The following GPR160 variants were observed in gnomAD, a reference collection of about 807,000 sequenced individuals.
GPR160 encodes G protein-coupled receptor 160.
A neutral mutation model predicts 2.6 loss-of-function variants in GPR160; 2 were observed. The ratio of observed to expected loss-of-function variants is 0.77; its 90% CI spans 0.32 to 2.44. GPR160 has a LOEUF of 2.44. Ranked by LOEUF, GPR160 falls within the 30% of genes most tolerant of loss-of-function variation. The pLI, the probability that GPR160 is intolerant of heterozygous loss-of-function variation, is 0.11. For synonymous variants in GPR160, 130 were observed against 132.2 expected (o/e 0.98, Z 0.12); for missense variants, 351 against 383.6 (o/e 0.91, Z 0.71).
At chr3:170,067,295 G>A (rs1025488257) in intron 2 of GPR160, among the ~76,000 whole-genome samples, 1 of 152,066 alleles carries the variant, frequency 6.6e-6, no homozygotes, top group Non-Finnish European at 1.5e-5. Flanking sequence ...GTGAGCCGTC[G>A]TGCCAGGCCT....
chr3:170,044,324 C>CAA (rs57817027), intron 2 of GPR160, among the ~76,000 whole-genome samples: 3 of 89,238 alleles, frequency 3.4e-5, no homozygotes, highest in African/African-American at 9.5e-5. Context: ...AACTCCATCT[C>CAA]AAAAAAAAAA....
chr3:170,051,966 C>T (rs537321229), intron 2 of GPR160, among the ~76,000 whole-genome samples: 2 of 152,252 alleles, frequency 1.3e-5, no homozygotes, highest in African/African-American at 4.8e-5. Flanking sequence ...CACTCTGTCA[C>T]CCAGGCTGGA....
intron 2 of GPR160, among the ~76,000 whole-genome samples, chr3:170,053,853 C>G (rs1413083082): frequency 6.6e-6 from 1 of 151,994 alleles, no homozygotes; most frequent in Non-Finnish European, 1.5e-5. Flanking sequence ...TGGTCATATG[C>G]TTGTTTTCTG....
At chr3:170,053,521 A>G (rs1717046745) in intron 2 of GPR160, among the ~76,000 whole-genome samples, 1 of 152,170 alleles carries the variant, frequency 6.6e-6, no homozygotes, top group Non-Finnish European at 1.5e-5. Flanking sequence ...AGGATTATCA[A>G]TATACATAAA....
chr3:170,074,266 A>G (rs1487794749), intron 2 of GPR160, among the ~76,000 whole-genome samples: 1 of 152,142 alleles, frequency 6.6e-6, no homozygotes, highest in Non-Finnish European at 1.5e-5. Context: ...GTTTCATCAT[A>G]CAAATTTATC....
chr3:170,075,906 CT>C (rs1299467610), intron 2 of GPR160, among the ~76,000 whole-genome samples: 2 of 152,176 alleles, frequency 1.3e-5, no homozygotes, highest in Non-Finnish European at 2.9e-5. Context: ...GGAATTACTC[CT>C]GCTTCTGGCA....
chr3:170,079,244 C>G (rs1421937164), intron 2 of GPR160, among the ~76,000 whole-genome samples: 1 of 152,226 alleles, frequency 6.6e-6, no homozygotes, highest in Non-Finnish European at 1.5e-5. Flanking sequence ...TGTCTGAGTA[C>G]TCCTTTCATC....
In GPR160 at chr3:170,080,648, T is replaced by G. The variant is rs191775635; in HGVS notation, c.-69+751T>G. On this transcript the variant is annotated intron_variant, in intron 3 of 3. Transcript: ENST00000355897. ...TTGTCATCTTCCAGGTGCCTCCACC[T>G]GTCAAGAGTCAATGATGAAACGGGA... Among the ~76,000 whole-genome samples, 295 of 152,314 alleles carry G rather than the reference T, an allele frequency of 1.9e-3. 2 individuals carry two copies. Among genetic ancestry groups the G allele is most frequent in the African/African-American group, 6.8e-3 (282 of 41,562 alleles).
At chr3:170,059,664 G>C (rs960402200) in intron 2 of GPR160, among the ~76,000 whole-genome samples, 1 of 151,796 alleles carries the variant, frequency 6.6e-6, no homozygotes, top group South Asian at 2.1e-4. Flanking sequence ...TGCTATTAGT[G>C]TGGCTTCCTG....
At chr3:170,059,562 A>G (rs1377566525) in intron 2 of GPR160, among the ~76,000 whole-genome samples, 2 of 152,116 alleles carry the variant, frequency 1.3e-5, no homozygotes, top group Non-Finnish European at 2.9e-5. Flanking sequence ...TTTTGTTGTT[A>G]ATTTCTTCAT....
intron 2 of GPR160, among the ~76,000 whole-genome samples, chr3:170,076,246 C>A (rs899162000): frequency 6.6e-6 from 1 of 151,962 alleles, no homozygotes; most frequent in African/African-American, 2.4e-5. Context: ...AATTATATCA[C>A]CTATTTTTAA....
chr3:170,076,025 G>A (rs1712832471), intron 2 of GPR160, among the ~76,000 whole-genome samples: 1 of 152,100 alleles, frequency 6.6e-6, no homozygotes, highest in Admixed American at 6.5e-5. Context: ...CTCACTAGTT[G>A]TCTTAATAAG....
chr3:170,075,810 C>T (rs1007537775), intron 2 of GPR160, among the ~76,000 whole-genome samples: 1 of 152,180 alleles, frequency 6.6e-6, no homozygotes, highest in East Asian at 1.9e-4. Flanking sequence ...AATCATCTAT[C>T]CCCTACCTTG....
rs1712049309 is a variant in GPR160 at position 170,062,935 on chromosome 3, C to T, written c.-192-16839C>T. ...TTGTGGTAGAAAAGCACCGGAGCCT[C>T]ACGGAGATCACCGACGCCACGGGAC... On this transcript the variant is annotated intron_variant, in intron 2 of 3. Coordinates refer to ENST00000355897, the MANE Select transcript of GPR160 (RefSeq NM_014373.3). 9.1e-6 allele frequency: 3 copies of T among 328,702 alleles called. No individual in the cohort carries two copies. In the South Asian group the frequency reaches 1.0e-4, roughly 11 times the overall value. The allele number at this position is 328,702 out of a possible 1,614,324, so 20.4% of individuals were successfully genotyped here. A position where few individuals can be genotyped will look rare whatever the true frequency, so the allele number is the denominator to read the frequency against.
At position 170,038,792 on chromosome 3, in the gene GPR160, C is replaced by T. The variant is rs1279420000; in HGVS notation, c.-321-123C>T. ...GGGCCTTGCCCGGCTATTTGTTTTC[C>T]GAGGCCGTTGCGTCCGGGTAGGTTC... On this transcript the variant is annotated intron_variant, in intron 1 of 3. Transcript: ENST00000355897. This position sits in a 1 kb window ranked among gnomAD's most constrained non-coding sequence, Gnocchi z 5.3. 2 of 152,146 alleles carry T rather than the reference C, an allele frequency of 1.3e-5. No individual in the cohort carries two copies. Among genetic ancestry groups the T allele is most frequent in the Non-Finnish European group, 2.9e-5 (2 of 68,010 alleles). The allele number at this position is 152,146 out of a possible 1,614,324, so 9.4% of individuals were successfully genotyped here. A position where few individuals can be genotyped will look rare whatever the true frequency, so the allele number is the denominator to read the frequency against.
At chr3:170,064,965 G>T (rs1422101030) in intron 2 of GPR160, among the ~76,000 whole-genome samples, 1 of 152,080 alleles carries the variant, frequency 6.6e-6, no homozygotes, top group Non-Finnish European at 1.5e-5. Context: ...GCCTCACAAC[G>T]GTGCTACCTA....
At position 170,063,552 on chromosome 3, in the gene GPR160, C is replaced by CAAAAAA. The variant is rs528295183; in HGVS notation, c.-192-16205_-192-16200dup. Among the ~76,000 whole-genome samples, 6 of 78,936 alleles carry CAAAAAA rather than the reference C, an allele frequency of 7.6e-5. No homozygotes were observed. The East Asian group carries it at 1.0e-3, about 13-fold the overall frequency. 51.8% of individuals were successfully genotyped at this position (78,936 alleles called of 152,430 possible). On this transcript the variant is annotated intron_variant, in intron 2 of 3. Transcript: ENST00000355897. ...ATGTCTCAAAAACAAACAAAAAAAGCAAAAAAAAAAAAAAAAAAAAAACCT... is the reference window on the plus strand; with the variant it reads ...ATGTCTCAAAAACAAACAAAAAAAGCAAAAAAAAAAAAAAAAAAAAAAAAAAAACCT...
chr3:170,052,914 C>CT (rs1029140044), intron 2 of GPR160, among the ~76,000 whole-genome samples: 7 of 151,096 alleles, frequency 4.6e-5, no homozygotes, highest in South Asian at 4.2e-4. Flanking sequence ...AGTTAAGGTC[C>CT]TTTTTTTTTC....
chr3:170,076,968 T>C (rs1712884322), intron 2 of GPR160, among the ~76,000 whole-genome samples: 1 of 152,208 alleles, frequency 6.6e-6, no homozygotes, highest in Non-Finnish European at 1.5e-5. Context: ...GAACTTTAGC[T>C]CCAACACTTA....
Sources: allele counts gnomAD v4.1 joint callset (sites outside exome capture counted in the v4.1 genomes callset), GRCh38; gene constraint gnomAD v4.1.1; non-coding constraint Gnocchi (gnomAD v3.1); transcripts MANE v1.5; gene names NCBI Gene and HGNC (gene_info 2026-07-23, HGNC 2026-07-21).